CHRNB4: variants seen among roughly 807,000 people sequenced by gnomAD.
CHRNB4 encodes neuronal acetylcholine receptor subunit beta-4.
CHRNB4 carries 23 observed loss-of-function variants against 40.4 expected under a neutral mutation model. The observed-to-expected ratio is 0.57, with a 90% CI of 0.41 to 0.81. CHRNB4 has a LOEUF of 0.81. Ranked by LOEUF, CHRNB4 falls within the 30% of genes least tolerant of loss-of-function variation. CHRNB4 has a pLI of 0.00. For synonymous variants in CHRNB4, 285 were observed against 274.4 expected (o/e 1.04, Z -0.38); for missense variants, 568 against 670.6 (o/e 0.85, Z 1.69).
At position 78,629,818 on chromosome 15, in the gene CHRNB4, C is replaced by T. The variant is rs2141370257; in HGVS notation, c.487G>A (p.Asp163Asn). 1.9e-6 allele frequency: 3 copies of T among 1,614,044 alleles called. No individual in the cohort carries two copies. Among genetic ancestry groups the T allele is most frequent in the Non-Finnish European group, 2.5e-6 (3 of 1,180,026 alleles). The change falls in exon 5 of 6, where the codon GAC becomes AAC. Residue 163 changes from aspartate (D) to asparagine (N), a missense_variant. This residue lies in a region of CHRNB4 where 127 missense variants were observed against 167.4 expected (regional missense o/e 0.76). Transcript: ENST00000261751. The surrounding 1 kb of genome is among the most constrained non-coding windows in gnomAD (Gnocchi z 6.8). ...AACTTGAGGGTGCAGTTCTGCTGGTCGAAGGGAAAGTACTTCACCTCAATC... is the reference window on the plus strand; with the variant it reads ...AACTTGAGGGTGCAGTTCTGCTGGTTGAAGGGAAAGTACTTCACCTCAATC... ...CKIEVKYFPF[D>N]QQNCTLKFRS...
chr15:78,642,673 AAGTT>A (rs1254963847), upstream of CHRNB4, among the ~76,000 whole-genome samples: 3 of 152,220 alleles, frequency 2.0e-5, no homozygotes, highest in Non-Finnish European at 4.4e-5. Context: ...AGAGCTGTAA[AAGTT>A]AGGCTAGCAA....
intron 1 of CHRNB4, among the ~76,000 whole-genome samples, chr15:78,639,670 CAT>C (rs1392295809): frequency 6.6e-6 from 1 of 152,166 alleles, no homozygotes. Context: ...CTTCTTCAAT[CAT>C]GTGTATTAAT....
intron 1 of CHRNB4, among the ~76,000 whole-genome samples, chr15:78,640,687 G>T (rs1200174863): frequency 6.6e-6 from 1 of 152,212 alleles, no homozygotes; most frequent in Non-Finnish European, 1.5e-5. Context: ...CACCTCTTAG[G>T]CAAGGAAGGA....
At position 78,631,198 on chromosome 15, in the gene CHRNB4, G is replaced by A; in HGVS notation, c.250-13C>T. 5.6e-6 allele frequency: 9 copies of A among 1,613,778 alleles called. No individual in the cohort carries two copies. Among genetic ancestry groups the A allele is most frequent in the Non-Finnish European group, 7.6e-6 (9 of 1,179,642 alleles). Reference sequence around the variant, plus strand: ...AATCAGTCCATTCCTGGACAGACAGGCAAGGCCCTGTCACTTGCAGGTCCA... The same window carrying A: ...AATCAGTCCATTCCTGGACAGACAGACAAGGCCCTGTCACTTGCAGGTCCA... On this transcript the variant is annotated splice_polypyrimidine_tract_variant and intron_variant, in intron 3 of 5. Transcript: ENST00000261751.
rs1382668480 is a variant in CHRNB4 at position 78,624,212 on chromosome 15, T to C, written c.*921A>G. ...GTGAAGGAGCAGGTCCCTGTTCTCA[T>C]GGAGCTCACACTCTAGTGGGTGAGC... On this transcript the variant is annotated 3_prime_UTR_variant, in exon 6 of 6. Coordinates refer to ENST00000261751, the MANE Select transcript of CHRNB4 (RefSeq NM_000750.5). 6.6e-6 allele frequency: 1 copy of C among 151,862 alleles called. No homozygotes were observed. The highest frequency in any genetic ancestry group is 1.5e-5 in the Non-Finnish European group (1 of 68,098). 9.4% of individuals were successfully genotyped at this position (151,862 alleles called of 1,614,324 possible).
chr15:78,660,229 T>TA (rs2054241094), intron 1 of CHRNB4, among the ~76,000 whole-genome samples: 1 of 149,004 alleles, frequency 6.7e-6, no homozygotes, highest in East Asian at 2.0e-4. Context: ...AAAGTGAATA[T>TA]AAATATGACT....
upstream of CHRNB4, among the ~76,000 whole-genome samples, chr15:78,644,511 G>A (rs952999247): frequency 3.3e-5 from 5 of 151,658 alleles, no homozygotes; most frequent in South Asian, 2.1e-4. Flanking sequence ...ACTAGACACT[G>A]TACCTGCTGG....
intron 1 of CHRNB4, among the ~76,000 whole-genome samples, chr15:78,638,303 C>T (rs1008858175): frequency 6.6e-6 from 1 of 152,258 alleles, no homozygotes; most frequent in African/African-American, 2.4e-5. Flanking sequence ...GAGGGACTCC[C>T]CCATCTTGAC....
intron 2 of CHRNB4, 86 bp downstream of exon 2, chr15:78,635,353 C>T: frequency 1.3e-6 from 2 of 1,529,080 alleles, no homozygotes; most frequent in Non-Finnish European, 1.8e-6. Flanking sequence ...ATAGTAGTTT[C>T]ATTCCTTTGA....
chr15:78,637,392 T>C (rs1362735342), intron 1 of CHRNB4, among the ~76,000 whole-genome samples: 1 of 150,996 alleles, frequency 6.6e-6, no homozygotes, highest in African/African-American at 2.4e-5. Flanking sequence ...CAAGGACATC[T>C]GAGGAGGCAA....
intron 4 of CHRNB4, chr15:78,630,779 A>C: frequency 6.1e-6 from 2 of 328,880 alleles, no homozygotes; most frequent in Middle Eastern, 9.1e-4. Flanking sequence ...AGAGGCTCAA[A>C]AGGATAGTAT....
At chr15:78,639,158 C>A (rs1323309331) in intron 1 of CHRNB4, among the ~76,000 whole-genome samples, 2 of 152,262 alleles carry the variant, frequency 1.3e-5, no homozygotes, top group South Asian at 2.1e-4. Flanking sequence ...TTTTGGAATA[C>A]AAACTACAGA....
intron 6 of CHRNB4, among the ~76,000 whole-genome samples, chr15:78,652,117 T>G (rs951461315): frequency 1.3e-5 from 2 of 152,186 alleles, no homozygotes; most frequent in African/African-American, 2.4e-5. Flanking sequence ...AATCCACAGG[T>G]CCTTCACTTG....
chr15:78,640,955 C>T, intron 1 of CHRNB4, 124 bp downstream of exon 1: 1 of 1,143,388 alleles, frequency 8.7e-7, no homozygotes, highest in African/African-American at 1.6e-5. Flanking sequence ...CCCCATCTGG[C>T]CGGGACAATC....
chr15:78,629,657 G>A lies in CHRNB4; in HGVS notation c.648C>T (p.Asp216=). The A allele has an allele frequency of 6.2e-7, 1 of 1,614,172 alleles. No individual in the cohort carries two copies. The highest frequency in any genetic ancestry group is 1.1e-5 in the South Asian group (1 of 91,084). The change falls in exon 5 of 6, where the codon GAC becomes GAT. Residue 216 remains aspartate (D), a synonymous_variant. Transcript: ENST00000261751. This position sits in a 1 kb window ranked among gnomAD's most constrained non-coding sequence, Gnocchi z 6.8. The stretch of plus-strand genomic sequence containing the variant: ...CGTAAGTCACGTCCACGTAGCTGGG[G>A]TCTTGTGGGTTCACTGTCCTTCTCC... The part of the protein sequence containing the change: ...LPGRRTVNPQ[D]PSYVDVTYDF...
intron 2 of CHRNB4, among the ~76,000 whole-genome samples, chr15:78,635,031 T>C (rs977113965): frequency 1.3e-5 from 2 of 152,148 alleles, no homozygotes; most frequent in African/African-American, 4.8e-5. Flanking sequence ...TCTCTGTACC[T>C]ATCAGTTCCC....
upstream of CHRNB4, among the ~76,000 whole-genome samples, chr15:78,641,748 G>C (rs1003339791): frequency 3.9e-5 from 6 of 152,320 alleles, no homozygotes; most frequent in Middle Eastern, 3.4e-3. Flanking sequence ...TGGGGGCTGG[G>C]GAAGGAGCAG....
At chr15:78,661,433 C>T (rs1041031370), upstream of CHRNB4, 7 of 514,448 alleles carry the variant, frequency 1.4e-5, no homozygotes, top group Non-Finnish European at 2.6e-5. Context: ...AACAGAGTGA[C>T]CGGTTGGTGC....
chr15:78,656,426 T>C (rs922806641), exon 4 of CHRNB4: 2 of 151,766 alleles, frequency 1.3e-5, no homozygotes, highest in African/African-American at 4.8e-5. Flanking sequence ...ACTCATGAGA[T>C]GGACAGCCTA....
Sources: gnomAD v4.1 joint callset for allele counts (sites outside exome capture counted in the v4.1 genomes callset) on GRCh38, gnomAD v4.1.1 for gene constraint, gnomAD v4.1.1 regional missense constraint, Gnocchi (gnomAD v3.1) non-coding constraint, MANE v1.5 for transcripts, NCBI Gene and HGNC (gene_info 2026-07-23, HGNC 2026-07-21) for gene names.